LEFTY2: variants seen among roughly 807,000 people sequenced by gnomAD.
The protein encoded by LEFTY2 is left-right determination factor 2.
A neutral mutation model predicts 26.4 loss-of-function variants in LEFTY2; 10 were observed. That is an observed-to-expected ratio of 0.38 (90% CI 0.23 to 0.64). The LOEUF (loss-of-function observed/expected upper bound fraction) is 0.64. Among genes scored for constraint, LEFTY2 ranks in the 30% least tolerant of loss-of-function variants. The pLI, the probability that LEFTY2 is intolerant of heterozygous loss-of-function variation, is 0.56. For missense variants in LEFTY2, 407 were observed against 502.1 expected (o/e 0.81, Z 1.81); for synonymous variants, 204 against 234.1 (o/e 0.87, Z 1.17).
Position 225,939,404 on chromosome 1 carries a change from C to T in LEFTY2, c.694G>A (p.Glu232Lys), listed in dbSNP as rs1672243535. The change falls in exon 3 of 4, where the codon GAG becomes AAG. Residue 232 changes from glutamate (E) to lysine (K), a missense_variant. By Grantham distance (56) the Glu-to-Lys change is moderately conservative (BLOSUM62 1). Coordinates refer to ENST00000366820, the MANE Select transcript of LEFTY2 (RefSeq NM_003240.5). This position sits in a 1 kb window ranked among gnomAD's most constrained non-coding sequence, Gnocchi z 4.1. ...AGGGTGTGCAGCTCCAGCTGGGGCTCCCCAAGCCCGGCTGGCGCCCCCTGC... is the reference window on the plus strand; with the variant it reads ...AGGGTGTGCAGCTCCAGCTGGGGCTTCCCAAGCCCGGCTGGCGCCCCCTGC... ...ASQGAPAGLGEPQLELHTLDL... is the reference protein window; with the variant it reads ...ASQGAPAGLGKPQLELHTLDL... 2 of 1,613,264 alleles carry T rather than the reference C, an allele frequency of 1.2e-6. No homozygotes were observed. Among genetic ancestry groups the T allele is most frequent in the Non-Finnish European group, 1.7e-6 (2 of 1,179,744 alleles).
In LEFTY2 at chr1:225,937,751, C is replaced by T. The variant is rs554256494; in HGVS notation, c.791G>A (p.Cys264Tyr). The T allele has an allele frequency of 2.5e-6, 4 of 1,611,308 alleles. No homozygotes were observed. In the African/African-American group the frequency reaches 4.0e-5, roughly 16 times the overall value. The change falls in exon 4 of 4, where the codon TGC (cysteine) becomes TAC (tyrosine). Residue 264 changes from cysteine (C) to tyrosine (Y), a missense_variant. By Grantham distance (194) the Cys-to-Tyr change is radical. Transcript: ENST00000366820. ...CAGGTCAATGTACATCTCCTGGCGG[C>T]AGCAGCGGGTGCCCTCGGTCATTGG... ...EAPMTEGTRC[C>Y]RQEMYIDLQG...
In LEFTY2 at chr1:225,940,999, T is replaced by TGTCG; in HGVS notation, c.138_141dup (p.Met48ArgfsTer206). 6.2e-7 allele frequency: 1 copy of TGTCG among 1,613,526 alleles called. No homozygotes were observed. Among genetic ancestry groups the TGTCG allele is most frequent in the Non-Finnish European group, 8.5e-7 (1 of 1,179,840 alleles). ...TGGGCGGGGATGACCAGCTTCTCCA[T>TGTCG]GTCGGCCCTGTCCAGTACGGGCACC... On this transcript the variant is annotated frameshift_variant, in exon 1 of 4. Transcript: ENST00000366820. LOFTEE classifies it high-confidence loss of function.
intron 1 of LEFTY2, 66 bp downstream of exon 1, chr1:225,940,825 C>T: frequency 6.2e-7 from 1 of 1,610,260 alleles, no homozygotes. Context: ...TCGACACCTC[C>T]AGAGTGGGCA....
rs760746645 is a variant in LEFTY2, at chr1:225,939,840, G to C, written c.413C>G (p.Pro138Arg). Residue 138 changes from proline (P) to arginine (R), a missense_variant, in exon 2 of 4, where the codon CCG (proline) becomes CGG (arginine). By Grantham distance (103) the Pro-to-Arg change is moderately radical (BLOSUM62 -2). Coordinates refer to ENST00000366820, the MANE Select transcript of LEFTY2 (RefSeq NM_003240.5). The surrounding 1 kb of genome is among the most constrained non-coding windows in gnomAD (Gnocchi z 4.1). The part of the protein sequence containing the change: ...AALHRHGRLS[P>R]RSAQARVTVE... ...GGTCACCCGGGCCTGGGCGCTGCGCGGGGACAGCCGCCCGTGCCTGTGCAG... is the reference window on the plus strand; with the variant it reads ...GGTCACCCGGGCCTGGGCGCTGCGCCGGGACAGCCGCCCGTGCCTGTGCAG... 6.5e-7 allele frequency: 1 copy of C among 1,545,142 alleles called. No individual in the cohort carries two copies. The highest frequency in any genetic ancestry group is 1.4e-5 in the African/African-American group (1 of 73,822).
chr1:225,938,880 T>TTC (rs1194827307), intron 3 of LEFTY2, among the ~76,000 whole-genome samples: 1 of 147,264 alleles, frequency 6.8e-6, no homozygotes, highest in Non-Finnish European at 1.5e-5. Context: ...TTTTTTTTTT[T>TTC]TTTTTGAGAC....
At chr1:225,940,042 C>T (rs773491129) in intron 1 of LEFTY2, 40 bp from the exon 2 acceptor site, 8 of 1,595,216 alleles carry the variant, frequency 5.0e-6, no homozygotes, top group South Asian at 3.3e-5. Context: ...TCCCCGGACT[C>T]CAGCGGAGCT....
At chr1:225,938,925 G>GC (rs1310640424) in intron 3 of LEFTY2, among the ~76,000 whole-genome samples, 1 of 134,396 alleles carries the variant, frequency 7.4e-6, no homozygotes, top group African/African-American at 2.8e-5. Flanking sequence ...TGGATGGAGT[G>GC]CAGTGGTGTG....
At position 225,937,621 on chromosome 1, in the gene LEFTY2, A is replaced by G. The variant is rs1234853747; in HGVS notation, c.921T>C (p.Asn307=). Residue 307 remains asparagine (N), a synonymous_variant, in exon 4 of 4, where the codon AAT becomes AAC. Coordinates refer to ENST00000366820, the MANE Select transcript of LEFTY2 (RefSeq NM_003240.5). ...CQQPPEALAF[N]WPFLGPRQCI... ...ACTGTCGCGGCCCCAGAAATGGCCA[A>G]TTGAAGGCCAGGGCCTCCGGGGGCT... is the stretch of plus-strand genomic sequence containing the variant. The G allele has an allele frequency of 1.9e-6, 3 of 1,614,144 alleles. No homozygotes were observed. The highest frequency in any genetic ancestry group is 2.2e-5 in the East Asian group (1 of 44,882).
chr1:225,940,961 C>T lies in LEFTY2; in HGVS notation c.180G>A (p.Gln60=), dbSNP rs1471936574. Residue 60 remains glutamine, a synonymous_variant, in exon 1 of 4, where the codon CAG becomes CAA. Coordinates refer to ENST00000366820, the MANE Select transcript of LEFTY2 (RefSeq NM_003240.5). The part of the protein sequence containing the change: ...KLVIPAHVRA[Q]YVVLLRRSHG... ...GGCTGCGCCGCAGCAGGACTACATA[C>T]TGGGCCCTCACGTGGGCGGGGATGA... 4 of 1,613,634 alleles carry T rather than the reference C, an allele frequency of 2.5e-6. No individual in the cohort carries two copies. The South Asian group carries it at 4.4e-5, about 18-fold the overall frequency.
Position 225,939,624 on chromosome 1 carries a change from G to T in LEFTY2, c.498-24C>A. The stretch of plus-strand genomic sequence containing the variant: ...GCCTGAGACATGATACACACGACAC[G>T]GAGACCCAGCGCCGCTTGAGGGCGG... On this transcript the variant is annotated intron_variant, in intron 2 of 3. Transcript: ENST00000366820. This position sits in a 1 kb window ranked among gnomAD's most constrained non-coding sequence, Gnocchi z 4.1. 6.2e-7 allele frequency: 1 copy of T among 1,612,382 alleles called. No individual in the cohort carries two copies. The highest frequency in any genetic ancestry group is 8.5e-7 in the Non-Finnish European group (1 of 1,179,768).
In LEFTY2 at chr1:225,941,088, G is replaced by T. The variant is rs1672318952; in HGVS notation, c.53C>A (p.Pro18His). 6.3e-7 allele frequency: 1 copy of T among 1,594,864 alleles called. No individual in the cohort carries two copies. ...WALWVLPLAG[P>H]GAALTEEQLL... ...CTGCTCCTCGGTCAGGGCCGCCCCG[G>T]GGCCAGCCAGGGGCAGCACCCAGAG... The change falls in exon 1 of 4, where the codon CCC becomes CAC. Residue 18 changes from proline (P) to histidine (H), a missense_variant. Pro to His is a moderately conservative substitution (Grantham distance 77). Coordinates refer to ENST00000366820, the MANE Select transcript of LEFTY2 (RefSeq NM_003240.5).
In LEFTY2 at chr1:225,941,109, C is replaced by T. The variant is rs777571178; in HGVS notation, c.32G>A (p.Trp11Ter). ...CCCGGGGCCAGCCAGGGGCAGCACCCAGAGTGCCCAGCAGAGCCACAGGGG... is the reference window on the plus strand; with the variant it reads ...CCCGGGGCCAGCCAGGGGCAGCACCTAGAGTGCCCAGCAGAGCCACAGGGG... The part of the protein sequence containing the change: MWPLWLCWAL[W>*]VLPLAGPGAA... The change falls in exon 1 of 4, where the codon TGG becomes TAG. Residue 11 changes from tryptophan (W) to a stop codon, truncating the protein, a stop_gained. Coordinates refer to ENST00000366820, the MANE Select transcript of LEFTY2 (RefSeq NM_003240.5). LOFTEE classifies it high-confidence loss of function. 4.4e-6 allele frequency: 7 copies of T among 1,582,914 alleles called. No homozygotes were observed. In the South Asian group the frequency reaches 7.9e-5, roughly 18 times the overall value.
Position 225,937,219 on chromosome 1 carries a change from T to C in LEFTY2, c.*222A>G. On this transcript the variant is annotated 3_prime_UTR_variant, in exon 4 of 4. Coordinates refer to ENST00000366820, the MANE Select transcript of LEFTY2 (RefSeq NM_003240.5). ...GTATCTTGTAATCAGCATGCCAGCA[T>C]TTCCTACTAGAGCTCAGCATCTGAG... 1.5e-6 allele frequency: 1 copy of C among 651,872 alleles called. No individual in the cohort carries two copies. Among genetic ancestry groups the C allele is most frequent in the South Asian group, 1.9e-5 (1 of 52,088 alleles). The allele number at this position is 651,872 out of a possible 1,614,324, so 40.4% of individuals were successfully genotyped here.
At chr1:225,940,400 C>T (rs957841098) in intron 1 of LEFTY2, among the ~76,000 whole-genome samples, 4 of 152,262 alleles carry the variant, frequency 2.6e-5, no homozygotes, top group Non-Finnish European at 5.9e-5. Context: ...TCCAAACACG[C>T]TTCTATCCAC....
At position 225,940,887 on chromosome 1, in the gene LEFTY2, T is replaced by G. The variant is rs528452113; in HGVS notation, c.250+4A>C. ...CCGGGGCCAGCAGGGAGGGAGGGTC[T>G]CACCTCGGAAGCTCTGGCTGAACCT... On this transcript the variant is annotated splice_donor_region_variant and intron_variant, in intron 1 of 3. Coordinates refer to ENST00000366820, the MANE Select transcript of LEFTY2 (RefSeq NM_003240.5). The G allele has an allele frequency of 6.2e-7, 1 of 1,613,046 alleles. No individual in the cohort carries two copies. The highest frequency in any genetic ancestry group is 2.2e-5 in the East Asian group (1 of 44,798).
Position 225,937,249 on chromosome 1 carries a change from A to T in LEFTY2, c.*192T>A, listed in dbSNP as rs1672173422. 1 of 781,236 alleles carries T rather than the reference A, an allele frequency of 1.3e-6. No homozygotes were observed. Among genetic ancestry groups the T allele is most frequent in the African/African-American group, 1.7e-5 (1 of 58,056 alleles). 48.4% of individuals were successfully genotyped at this position (781,236 alleles called of 1,614,324 possible). ...TACTAGAGCTCAGCATCTGAGCTGC[A>T]TTATTTACTCACGTAAGTGCTTAGG... On this transcript the variant is annotated 3_prime_UTR_variant, in exon 4 of 4. Transcript: ENST00000366820.
rs61731739 is a variant in LEFTY2, at chr1:225,937,639, C to G, written c.903G>C (p.Pro301=). 1 of 1,613,982 alleles carries G rather than the reference C, an allele frequency of 6.2e-7. No homozygotes were observed. The highest frequency in any genetic ancestry group is 8.5e-7 in the Non-Finnish European group (1 of 1,180,036). ...ATGGCCAATTGAAGGCCAGGGCCTC[C>G]GGGGGCTGCTGGCAGGTGCCCACAC... The part of the protein sequence containing the change: ...YECVGTCQQP[P]EALAFNWPFL... Residue 301 remains proline, a synonymous_variant, in exon 4 of 4, where the codon CCG becomes CCC. Coordinates refer to ENST00000366820, the MANE Select transcript of LEFTY2 (RefSeq NM_003240.5).
chr1:225,937,229 G>A lies in LEFTY2; in HGVS notation c.*212C>T, dbSNP rs1672172999. The A allele has an allele frequency of 1.5e-6, 1 of 670,760 alleles. No individual in the cohort carries two copies. The highest frequency in any genetic ancestry group is 2.5e-6 in the Non-Finnish European group (1 of 395,568). The allele number at this position is 670,760 out of a possible 1,614,324, so 41.6% of individuals were successfully genotyped here. A position where few individuals can be genotyped will look rare whatever the true frequency, so the allele number is the denominator to read the frequency against. On this transcript the variant is annotated 3_prime_UTR_variant, in exon 4 of 4. Transcript: ENST00000366820. The stretch of plus-strand genomic sequence containing the variant: ...ATCAGCATGCCAGCATTTCCTACTA[G>A]AGCTCAGCATCTGAGCTGCATTATT...
In LEFTY2 at chr1:225,937,440, C is replaced by T; in HGVS notation, c.*1G>A. ...GAGGGCTCAATGGATACACCAGGCG[C>T]CTATGGCTGGAGCCTCCTTGGCACG... On this transcript the variant is annotated 3_prime_UTR_variant, in exon 4 of 4. Coordinates refer to ENST00000366820, the MANE Select transcript of LEFTY2 (RefSeq NM_003240.5). The T allele has an allele frequency of 6.2e-7, 1 of 1,614,026 alleles. No homozygotes were observed.
Sources: allele counts gnomAD v4.1 joint callset (sites outside exome capture counted in the v4.1 genomes callset), GRCh38; gene constraint gnomAD v4.1.1; non-coding constraint Gnocchi (gnomAD v3.1); transcripts MANE v1.5; gene names NCBI Gene and HGNC (gene_info 2026-07-23, HGNC 2026-07-21).